KLF12: variants seen among roughly 807,000 people sequenced by gnomAD.
KLF12 encodes Krueppel-like factor 12.
In KLF12, 9 loss-of-function variants were observed where a neutral mutation model predicts 37.8. That is an observed-to-expected ratio of 0.24 (90% confidence interval 0.14 to 0.42). The LOEUF (loss-of-function observed/expected upper bound fraction) is 0.42. Among genes scored for constraint, KLF12 ranks in the 10% least tolerant of loss-of-function variants. The probability of loss-of-function intolerance (pLI) is 1.00; values close to 1 mark genes in which losing one functional copy is unlikely to be tolerated. For synonymous variants in KLF12, 208 were observed against 202.1 expected, an observed-to-expected ratio of 1.03 and a Z score of -0.25; for missense variants, 411 against 516.0, an observed-to-expected ratio of 0.80 and a Z score of 1.97.
At chr13:74,129,360 T>C (rs1038028083) in intron 1 of KLF12, among the ~76,000 whole-genome samples, 1 of 152,316 alleles carries the variant, frequency 6.6e-6, no homozygotes, top group Admixed American at 6.5e-5. Flanking sequence ...TGTATACATA[T>C]ACATCATGCC....
chr13:74,192,436 A>T, the KLF12 span, among the ~76,000 whole-genome samples: 4 of 152,166 alleles, frequency 2.6e-5, no homozygotes, highest in African/African-American at 4.8e-5. Context: ...CTTTCCTGAG[A>T]TTTACAAATA....
intron 1 of KLF12, among the ~76,000 whole-genome samples, chr13:74,036,325 CTAATA>C (rs1444738541): frequency 6.6e-6 from 1 of 152,102 alleles, no homozygotes; most frequent in Non-Finnish European, 1.5e-5. Context: ...CCCACGGTAC[CTAATA>C]TAAGAGTTAA....
At chr13:74,202,060 T>C in the KLF12 span, among the ~76,000 whole-genome samples, 3 of 152,252 alleles carry the variant, frequency 2.0e-5, no homozygotes, top group East Asian at 5.8e-4. Context: ...CTTTCTTATT[T>C]CTTTATCTCC....
intron 3 of KLF12, among the ~76,000 whole-genome samples, chr13:73,895,042 C>T (rs190773741): frequency 3.8e-4 from 58 of 152,256 alleles, no homozygotes; most frequent in East Asian, 3.5e-3. Flanking sequence ...AGCCAACAAA[C>T]GTATTTCTTT....
At chr13:74,013,524 T>TAAC (rs1236082422) in intron 1 of KLF12, among the ~76,000 whole-genome samples, 1 of 152,202 alleles carries the variant, frequency 6.6e-6, no homozygotes, top group South Asian at 2.1e-4. Context: ...ACTCCTATAG[T>TAAC]AACAACAACA....
At chr13:74,027,035 G>A (rs1214421963) in intron 1 of KLF12, among the ~76,000 whole-genome samples, 1 of 152,152 alleles carries the variant, frequency 6.6e-6, no homozygotes, top group East Asian at 1.9e-4. Flanking sequence ...CAACAGCAGA[G>A]CAGAAAGAGC....
At chr13:73,738,038 C>T (rs973285434) in intron 6 of KLF12, among the ~76,000 whole-genome samples, 10 of 145,024 alleles carry the variant, frequency 6.9e-5, no homozygotes, top group Non-Finnish European at 1.4e-4. Context: ...CACACACACA[C>T]ACACACACAT....
chr13:73,947,061 G>GATATGT lies in KLF12; in HGVS notation c.34-2992_34-2991insACATAT, dbSNP rs1414754972. On this transcript the variant is annotated intron_variant, in intron 2 of 7. Transcript: ENST00000377669. ...CTGGAACTGCTGTCAAACATATCTT[G>GATATGT]CCATGATCTTAATCAAAACACATTT... is the stretch of plus-strand genomic sequence containing the variant. 2.6e-5 allele frequency among the ~76,000 whole-genome samples: 4 copies of GATATGT among 152,164 alleles called. No individual in the cohort carries two copies. In the East Asian group the frequency reaches 7.7e-4, roughly 29 times the overall value.
intron 7 of KLF12, among the ~76,000 whole-genome samples, chr13:73,699,196 C>A (rs1205705442): frequency 7.4e-6 from 1 of 134,684 alleles, no homozygotes; most frequent in East Asian, 2.6e-4. Context: ...CCCCCCACCC[C>A]CCCACTGCAA....
the KLF12 span, among the ~76,000 whole-genome samples, chr13:74,160,896 A>G: frequency 0.015 from 2,301 of 152,164 alleles, 56 homozygotes; most frequent in African/African-American, 0.05. Flanking sequence ...AAGAGATGGG[A>G]ATAGGTCCTC....
intron 1 of KLF12, among the ~76,000 whole-genome samples, chr13:74,020,299 T>C (rs1892807869): frequency 6.6e-6 from 1 of 152,164 alleles, no homozygotes; most frequent in Non-Finnish European, 1.5e-5. Context: ...CTCAACTCTA[T>C]TCAACCTATC....
the KLF12 span, among the ~76,000 whole-genome samples, chr13:74,167,802 G>A: frequency 6.6e-6 from 1 of 152,120 alleles, no homozygotes; most frequent in Non-Finnish European, 1.5e-5. Context: ...TATCAAAACA[G>A]CAATGCCTCA....
At chr13:74,044,716 G>A (rs978170703) in intron 1 of KLF12, among the ~76,000 whole-genome samples, 5 of 151,836 alleles carry the variant, frequency 3.3e-5, no homozygotes, top group African/African-American at 9.7e-5. Flanking sequence ...GTAGTGGCGG[G>A]CGCCTGTAGT....
At chr13:74,106,166 A>G (rs1876640106) in intron 1 of KLF12, among the ~76,000 whole-genome samples, 1 of 152,186 alleles carries the variant, frequency 6.6e-6, no homozygotes, top group South Asian at 2.1e-4. Flanking sequence ...GGCTCCATGT[A>G]TATTTTACCT....
the KLF12 span, among the ~76,000 whole-genome samples, chr13:74,223,309 C>T: frequency 6.6e-6 from 1 of 152,212 alleles, no homozygotes; most frequent in African/African-American, 2.4e-5. Context: ...ACCATACATG[C>T]TGCAAATAAT....
At chr13:73,826,659 G>A (rs1230411673) in intron 4 of KLF12, among the ~76,000 whole-genome samples, 1 of 152,000 alleles carries the variant, frequency 6.6e-6, no homozygotes, top group African/African-American at 2.4e-5. Context: ...GTATTCTGGT[G>A]TATATCCTTC....
At chr13:73,805,615 AGGGAGGGAGGGAGGG>A (rs1566380036) in intron 5 of KLF12, among the ~76,000 whole-genome samples, 1,752 of 36,726 alleles carry the variant, frequency 0.048, 67 homozygotes, top group Non-Finnish European at 0.068. Context: ...GAAGGAAGGG[AGGGAGGGAGGGAGGG>A]AGGGAGGGAG....
chr13:73,782,250 GAGCAC>G (rs1248342621), intron 5 of KLF12, among the ~76,000 whole-genome samples: 3 of 152,156 alleles, frequency 2.0e-5, no homozygotes, highest in Non-Finnish European at 2.9e-5. Context: ...ACAATGCCTG[GAGCAC>G]AGTGTGTTCT....
intron 1 of KLF12, among the ~76,000 whole-genome samples, chr13:74,069,386 A>T (rs1874096750): frequency 2.0e-5 from 3 of 152,178 alleles, no homozygotes; most frequent in Admixed American, 2.0e-4. Flanking sequence ...GTCTGGAGAG[A>T]GTAGAGTTGA....
Sources: allele counts gnomAD v4.1 joint callset (sites outside exome capture counted in the v4.1 genomes callset), GRCh38; gene constraint gnomAD v4.1.1; transcripts MANE v1.5; gene names NCBI Gene and HGNC (gene_info 2026-07-23, HGNC 2026-07-21).